The following KCNIP4 variants were observed in gnomAD, a reference collection of about 807,000 sequenced individuals.
The protein encoded by KCNIP4 is Kv channel-interacting protein 4.
A neutral mutation model predicts 34.0 loss-of-function variants in KCNIP4; 12 were observed. The ratio of observed to expected loss-of-function variants is 0.35; its 90% CI spans 0.23 to 0.57. The LOEUF is 0.57. KCNIP4 is among the 20% of genes least tolerant of loss of function. The pLI, the probability that KCNIP4 is intolerant of heterozygous loss-of-function variation, is 0.83. For missense variants in KCNIP4, 238 were observed against 311.7 expected (o/e 0.76, Z 1.78); for synonymous variants, 124 against 102.2 (o/e 1.21, Z -1.29).
chr4:21,334,167 G>A (rs1055130329), intron 1 of KCNIP4, among the ~76,000 whole-genome samples: 5 of 151,966 alleles, frequency 3.3e-5, no homozygotes, highest in African/African-American at 1.2e-4. Context: ...AAGGGTTCAA[G>A]TCTCTCCTCC....
At chr4:21,466,008 G>A (rs1375115646) in intron 1 of KCNIP4, among the ~76,000 whole-genome samples, 4 of 152,086 alleles carry the variant, frequency 2.6e-5, no homozygotes, top group African/African-American at 9.7e-5. Flanking sequence ...CTGGAATACT[G>A]ACTGCTATGA....
At chr4:21,049,874 T>C (rs1379762771) in intron 1 of KCNIP4, among the ~76,000 whole-genome samples, 1 of 152,214 alleles carries the variant, frequency 6.6e-6, no homozygotes, top group South Asian at 2.1e-4. Flanking sequence ...TTAAAAACAA[T>C]TTAAAAACCC....
intron 1 of KCNIP4, among the ~76,000 whole-genome samples, chr4:20,979,102 T>C (rs2149688123): frequency 6.6e-6 from 1 of 152,310 alleles, no homozygotes; most frequent in South Asian, 2.1e-4. Flanking sequence ...AAGTTTTAAG[T>C]TCCTTCCACT....
chr4:21,940,733 C>T (rs34201841), intron 1 of KCNIP4, among the ~76,000 whole-genome samples: 328 of 152,262 alleles, frequency 2.2e-3, no homozygotes, highest in South Asian at 0.01. Flanking sequence ...ATATTCTCGC[C>T]TTTCTAAATT....
chr4:20,813,303 A>G (rs956178438), intron 3 of KCNIP4, among the ~76,000 whole-genome samples: 25 of 152,172 alleles, frequency 1.6e-4, no homozygotes, highest in African/African-American at 5.8e-4. Context: ...GCAAAAAAGG[A>G]TAGAGTCCTT....
chr4:21,180,738 T>G (rs1754780021), intron 1 of KCNIP4, among the ~76,000 whole-genome samples: 2 of 150,690 alleles, frequency 1.3e-5, no homozygotes, highest in Non-Finnish European at 3.0e-5. Flanking sequence ...AGTGTATTTG[T>G]GTATATATAT....
chr4:21,928,361 T>A (rs1177953100), intron 1 of KCNIP4, among the ~76,000 whole-genome samples: 3 of 152,014 alleles, frequency 2.0e-5, no homozygotes, highest in African/African-American at 7.2e-5. Context: ...GTTATTAACA[T>A]ACAAAATAGA....
At chr4:21,334,642 A>G (rs1365496987) in intron 1 of KCNIP4, among the ~76,000 whole-genome samples, 1 of 152,128 alleles carries the variant, frequency 6.6e-6, no homozygotes, top group East Asian at 1.9e-4. Flanking sequence ...TGCCTCAAAA[A>G]GATTCCTCAT....
rs1158320433 is a variant in KCNIP4, at chr4:21,715,140, GCC to G, written c.61+233429_61+233430del. Reference sequence around the variant, plus strand: ...GTGTCGCCCAGGCTGGAGTGCAGTGGCCCCATCTGGGCTCACTGCAAGCTCCG... The same window carrying G: ...GTGTCGCCCAGGCTGGAGTGCAGTGGCCATCTGGGCTCACTGCAAGCTCCG... On this transcript the variant is annotated intron_variant, in intron 1 of 8. Coordinates refer to ENST00000382152, the MANE Select transcript of KCNIP4 (RefSeq NM_025221.6). 3.4e-5 allele frequency among the ~76,000 whole-genome samples: 5 copies of G among 148,680 alleles called. No homozygotes were observed. In the East Asian group the frequency reaches 9.9e-4, roughly 29 times the overall value.
intron 1 of KCNIP4, among the ~76,000 whole-genome samples, chr4:21,167,586 C>T (rs149397295): frequency 6.6e-6 from 1 of 152,260 alleles, no homozygotes; most frequent in African/African-American, 2.4e-5. Flanking sequence ...AAGTTAAATG[C>T]TTATTCGCTG....
intron 1 of KCNIP4, among the ~76,000 whole-genome samples, chr4:21,123,661 C>T (rs1369838201): frequency 6.6e-6 from 1 of 152,094 alleles, no homozygotes; most frequent in East Asian, 1.9e-4. Context: ...TTGTATGCCC[C>T]TAAAATTCAC....
chr4:21,606,722 T>C (rs1411923307), intron 1 of KCNIP4, among the ~76,000 whole-genome samples: 1 of 152,122 alleles, frequency 6.6e-6, no homozygotes, highest in Non-Finnish European at 1.5e-5. Flanking sequence ...GCCTCCCGAG[T>C]AGCTGGGATA....
chr4:21,859,968 G>C (rs1724979279), intron 1 of KCNIP4, among the ~76,000 whole-genome samples: 2 of 152,272 alleles, frequency 1.3e-5, no homozygotes, highest in Admixed American at 6.5e-5. Context: ...TTGAGCCCTG[G>C]AGGTCTAGGC....
chr4:21,107,924 GC>G (rs1186450060), intron 1 of KCNIP4, among the ~76,000 whole-genome samples: 1 of 151,266 alleles, frequency 6.6e-6, no homozygotes, highest in Non-Finnish European at 1.5e-5. Flanking sequence ...GTTGAATATT[GC>G]CCCCCACTCT....
At chr4:21,850,836 T>G (rs1012019473) in intron 1 of KCNIP4, 1 of 152,112 alleles carries the variant, frequency 6.6e-6, no homozygotes, top group Admixed American at 6.6e-5. Context: ...CTCATGCCTT[T>G]TAACCCAAAC....
Position 21,614,255 on chromosome 4 carries a change from C to T in KCNIP4, c.61+334316G>A, listed in dbSNP as rs760083698. 1.0e-3 allele frequency among the ~76,000 whole-genome samples: 157 copies of T among 151,818 alleles called. 1 individual carries two copies. Among genetic ancestry groups the T allele is most frequent in the Non-Finnish European group, 1.1e-3 (77 of 67,966 alleles). On this transcript the variant is annotated intron_variant, in intron 1 of 8. Coordinates refer to ENST00000382152, the MANE Select transcript of KCNIP4 (RefSeq NM_025221.6). ...AGAGAGTGAATTTTATTCATGCAGA[C>T]AACACGCTCTTGACATGAGGGATGC... is the stretch of plus-strand genomic sequence containing the variant.
chr4:21,689,824 G>C (rs975797927), intron 1 of KCNIP4, among the ~76,000 whole-genome samples: 8 of 151,874 alleles, frequency 5.3e-5, no homozygotes, highest in Non-Finnish European at 1.0e-4. Context: ...TCTCATATTT[G>C]TTCTTCCTGA....
rs115906391 is a variant in KCNIP4, at chr4:21,680,148, G to A, written c.61+268423C>T. Among the ~76,000 whole-genome samples, 1,093 of 151,764 alleles carry A rather than the reference G, an allele frequency of 7.2e-3. 18 individuals carry two copies. The highest frequency in any genetic ancestry group is 0.022 in the South Asian group (106 of 4,784). On this transcript the variant is annotated intron_variant, in intron 1 of 8. Transcript: ENST00000382152. ...GTCAATCCTCTCAAACACTACTGCT[G>A]TTTATTGACTAAGTTTATGTAACAG...
intron 1 of KCNIP4, among the ~76,000 whole-genome samples, chr4:21,757,198 G>GAAA (rs1560691450): frequency 1.0e-4 from 4 of 39,560 alleles, no homozygotes; most frequent in Admixed American, 7.8e-4. Context: ...AAGGAAGGAA[G>GAAA]GAAAGAAAGA....
Sources: allele counts gnomAD v4.1 joint callset (sites outside exome capture counted in the v4.1 genomes callset), GRCh38; gene constraint gnomAD v4.1.1; transcripts MANE v1.5; gene names NCBI Gene and HGNC (gene_info 2026-07-23, HGNC 2026-07-21).